Variants in TUSC3 observed in about 807,000 individuals in gnomAD.
TUSC3 encodes the protein dolichyl-diphosphooligosaccharide--protein glycosyltransferase subunit TUSC3.
Under a neutral mutation model 44.8 loss-of-function variants are expected in TUSC3, and 45 were observed. The ratio of observed to expected loss-of-function variants is 1.00; its 90% confidence interval spans 0.79 to 1.29. The LOEUF (loss-of-function observed/expected upper bound fraction) is 1.29, where lower values mean the gene tolerates loss of function less well. Ranked by LOEUF, TUSC3 falls within the 50% of genes most tolerant of loss-of-function variation. The pLI, the probability that TUSC3 is intolerant of heterozygous loss-of-function variation, is 0.00. For synonymous variants in TUSC3, 212 were observed against 152.9 expected (o/e 1.39, Z -2.85); for missense variants, 519 against 437.9 (o/e 1.19, Z -1.65).
intron 2 of TUSC3, among the ~76,000 whole-genome samples, chr8:15,492,514 C>G (rs1023369014): frequency 6.6e-6 from 1 of 152,042 alleles, no homozygotes; most frequent in Non-Finnish European, 1.5e-5. Context: ...AAGACTGCCC[C>G]AAGACTGAAG....
intron 6 of TUSC3, among the ~76,000 whole-genome samples, chr8:15,722,378 A>G (rs1432160358): frequency 6.6e-6 from 1 of 151,968 alleles, no homozygotes; most frequent in African/African-American, 2.4e-5. Flanking sequence ...TTTATGAAGA[A>G]GGGACTGAAT....
At chr8:15,515,003 G>T (rs1005191279) in intron 2 of TUSC3, among the ~76,000 whole-genome samples, 4 of 152,088 alleles carry the variant, frequency 2.6e-5, no homozygotes, top group Non-Finnish European at 1.5e-5. Context: ...GTTTAATTTT[G>T]GTTGGAGAAT....
At chr8:15,653,104 A>T (rs530986670) in intron 3 of TUSC3, among the ~76,000 whole-genome samples, 4 of 152,220 alleles carry the variant, frequency 2.6e-5, no homozygotes, top group Non-Finnish European at 4.4e-5. Flanking sequence ...AAATACTTTT[A>T]TTTCTTTACT....
the TUSC3 span, among the ~76,000 whole-genome samples, chr8:15,803,636 C>G: frequency 1.2e-4 from 18 of 152,234 alleles, no homozygotes; most frequent in African/African-American, 4.3e-4. Context: ...TGGTGGTTTG[C>G]TGTACCTATC....
chr8:15,617,140 T>TGTGTGTGTGTG (rs1563136021), intron 1 of TUSC3, among the ~76,000 whole-genome samples: 3 of 8,138 alleles, frequency 3.7e-4, no homozygotes, highest in South Asian at 2.5e-3. Flanking sequence ...GTGTATATAT[T>TGTGTGTGTGTG]TTTTTTTTTT....
intron 6 of TUSC3, among the ~76,000 whole-genome samples, chr8:15,682,339 G>T (rs1808460574): frequency 6.6e-6 from 1 of 151,934 alleles, no homozygotes; most frequent in South Asian, 2.1e-4. Context: ...TATGAATCTG[G>T]GTGCTCTAAT....
At chr8:15,420,261 C>A (rs565831445) in intron 1 of TUSC3, among the ~76,000 whole-genome samples, 5 of 152,008 alleles carry the variant, frequency 3.3e-5, no homozygotes, top group Non-Finnish European at 7.4e-5. Flanking sequence ...CTTTGGGAGG[C>A]CAAGGCAGGC....
chr8:15,832,985 T>A, the TUSC3 span, among the ~76,000 whole-genome samples: 1 of 152,130 alleles, frequency 6.6e-6, no homozygotes, highest in Non-Finnish European at 1.5e-5. Flanking sequence ...TACATTGTTC[T>A]CATCATGACA....
intron 6 of TUSC3, among the ~76,000 whole-genome samples, chr8:15,719,516 C>CACACACA (rs1554481164): frequency 6.2e-5 from 1 of 16,194 alleles, no homozygotes; most frequent in Admixed American, 7.5e-4. Flanking sequence ...CACACACACA[C>CACACACA]CACACACACA....
intron 6 of TUSC3, among the ~76,000 whole-genome samples, chr8:15,698,321 A>C (rs2129193913): frequency 6.6e-6 from 1 of 152,334 alleles, no homozygotes; most frequent in Admixed American, 6.5e-5. Flanking sequence ...TGCAAGAATC[A>C]GTTAAAAACT....
the TUSC3 span, among the ~76,000 whole-genome samples, chr8:15,834,831 T>A: frequency 6.6e-6 from 1 of 152,186 alleles, no homozygotes; most frequent in Non-Finnish European, 1.5e-5. Context: ...CAAGGGTTTT[T>A]ACAGTAAGGT....
At chr8:15,432,016 A>T in intron 1 of TUSC3, among the ~76,000 whole-genome samples, 1 of 151,296 alleles carries the variant, frequency 6.6e-6, no homozygotes, top group East Asian at 2.0e-4. Flanking sequence ...ATGGCATTTG[A>T]TTTGCTAGTG....
chr8:15,806,721 C>G, the TUSC3 span: 2 of 823,988 alleles, frequency 2.4e-6, no homozygotes, highest in Non-Finnish European at 4.1e-6. Context: ...GCTTTGGATA[C>G]AGCCAGAGAG....
the TUSC3 span, among the ~76,000 whole-genome samples, chr8:15,802,586 T>G: frequency 7.2e-5 from 11 of 152,228 alleles, no homozygotes; most frequent in South Asian, 2.3e-3. Context: ...CGTGCCCAGC[T>G]AATTTTTTGT....
At chr8:15,567,437 G>C (rs887000137) in intron 1 of TUSC3, among the ~76,000 whole-genome samples, 2 of 152,114 alleles carry the variant, frequency 1.3e-5, no homozygotes, top group African/African-American at 4.8e-5. Flanking sequence ...CTTGCCCAGA[G>C]TAGGTACTTA....
At chr8:15,621,448 T>C (rs992734178) in intron 1 of TUSC3, among the ~76,000 whole-genome samples, 1 of 149,750 alleles carries the variant, frequency 6.7e-6, no homozygotes, top group East Asian at 1.9e-4. Context: ...AGATAAGTTA[T>C]CATTTTCAGT....
At chr8:15,463,965 C>T (rs902654561) in intron 1 of TUSC3, among the ~76,000 whole-genome samples, 12 of 152,170 alleles carry the variant, frequency 7.9e-5, no homozygotes, top group Non-Finnish European at 1.5e-5. Context: ...TCCTTGACTA[C>T]AGTTTTACAG....
intron 2 of TUSC3, among the ~76,000 whole-genome samples, chr8:15,492,686 C>A (rs193285334): frequency 6.6e-6 from 1 of 151,794 alleles, no homozygotes; most frequent in African/African-American, 2.4e-5. Context: ...CCTGTAATCC[C>A]AGCTCTTAGG....
chr8:15,483,819 C>G (rs530028752), intron 2 of TUSC3, among the ~76,000 whole-genome samples: 19 of 151,786 alleles, frequency 1.3e-4, no homozygotes, highest in African/African-American at 4.3e-4. Context: ...CAATGCCCGG[C>G]TAATTTTTTT....
Sources: allele counts gnomAD v4.1 joint callset (sites outside exome capture counted in the v4.1 genomes callset), GRCh38; gene constraint gnomAD v4.1.1; transcripts MANE v1.5; gene names NCBI Gene and HGNC (gene_info 2026-07-23, HGNC 2026-07-21).